Variants in ST7L observed in about 807,000 individuals in gnomAD.
ST7L encodes suppression of tumorigenicity 7 like, also known as suppressor of tumorigenicity 7 protein-like.
A neutral mutation model predicts 72.5 loss-of-function variants in ST7L; 57 were observed. The ratio of observed to expected loss-of-function variants is 0.79; its 90% confidence interval spans 0.64 to 0.98. ST7L has a LOEUF of 0.98. ST7L is among the 50% of genes least tolerant of loss of function. The pLI is 0.00. For missense variants in ST7L, 576 were observed against 672.2 expected, an observed-to-expected ratio of 0.86 and a Z score of 1.58; for synonymous variants, 221 against 240.9, an observed-to-expected ratio of 0.92 and a Z score of 0.77.
intron 3 of ST7L, among the ~76,000 whole-genome samples, chr1:112,608,079 G>A (rs1668533719): frequency 6.6e-6 from 1 of 152,064 alleles, no homozygotes; most frequent in African/African-American, 2.4e-5. Context: ...GGAGTGCAGT[G>A]GCACAGTCAT....
downstream of ST7L, chr1:112,520,256 C>A: frequency 6.2e-7 from 1 of 1,602,812 alleles, no homozygotes; most frequent in South Asian, 1.1e-5. Flanking sequence ...ACTTTGTTCT[C>A]ACTCCCTCTC....
chr1:112,550,547 A>C, intron 13 of ST7L, 54 bp downstream of exon 13: 1 of 1,379,340 alleles, frequency 7.2e-7, no homozygotes, highest in Non-Finnish European at 1.0e-6. Context: ...ATACTATGAC[A>C]AACAATCTAA....
chr1:112,530,389 G>GTA (rs1654179507), intron 14 of ST7L, among the ~76,000 whole-genome samples: 1 of 152,006 alleles, frequency 6.6e-6, no homozygotes, highest in Non-Finnish European at 1.5e-5. Context: ...TGCCTAATTT[G>GTA]TATAAACTCA....
intron 14 of ST7L, chr1:112,527,478 G>A (rs1441136390): frequency 6.5e-6 from 1 of 152,714 alleles, no homozygotes; most frequent in South Asian, 2.1e-4. Context: ...ACAGCCCCAT[G>A]AGGCCACACA....
chr1:112,581,918 A>G, intron 9 of ST7L, 74 bp downstream of exon 9: 3 of 1,048,662 alleles, frequency 2.9e-6, no homozygotes, highest in Admixed American at 2.0e-5. Flanking sequence ...ATTAAATACT[A>G]GAATATAACC....
intron 2 of ST7L, among the ~76,000 whole-genome samples, chr1:112,613,991 C>T (rs1330570760): frequency 6.6e-6 from 1 of 152,110 alleles, no homozygotes; most frequent in Non-Finnish European, 1.5e-5. Flanking sequence ...CAGCCTCCCA[C>T]AGTGTTGGCA....
rs189844480 is a variant in ST7L, at chr1:112,573,560, G to A, written c.1245+3426C>T. 3.0e-3 allele frequency among the ~76,000 whole-genome samples: 464 copies of A among 152,156 alleles called. 4 individuals are homozygous for A. Among genetic ancestry groups the A allele is most frequent in the African/African-American group, 0.01 (436 of 41,546 alleles). Reference sequence around the variant, plus strand: ...TATGATATGCTTAGAAATTGAATTTGTAATTAAACTATTAAAGAAATGAAA... The same window carrying A: ...TATGATATGCTTAGAAATTGAATTTATAATTAAACTATTAAAGAAATGAAA... On this transcript the variant is annotated intron_variant, in intron 11 of 14. Transcript: ENST00000358039.
chr1:112,559,952 T>C (rs1345315206), intron 11 of ST7L, among the ~76,000 whole-genome samples: 1 of 152,044 alleles, frequency 6.6e-6, no homozygotes, highest in African/African-American at 2.4e-5. Flanking sequence ...CACTCCAGCC[T>C]GGGCAACAGA....
At chr1:112,614,362 G>A (rs922249761) in intron 2 of ST7L, among the ~76,000 whole-genome samples, 2 of 152,182 alleles carry the variant, frequency 1.3e-5, no homozygotes, top group African/African-American at 2.4e-5. Flanking sequence ...GATTACAGGT[G>A]TAAGCCACCG....
intron 11 of ST7L, among the ~76,000 whole-genome samples, chr1:112,573,912 T>C (rs1185591003): frequency 1.1e-5 from 1 of 92,744 alleles, no homozygotes; most frequent in Non-Finnish European, 2.4e-5. Context: ...CTTTTCCTGT[T>C]TTTTTTTTTT....
intron 1 of ST7L, among the ~76,000 whole-genome samples, chr1:112,617,579 G>A (rs1670066103): frequency 6.6e-6 from 1 of 152,050 alleles, no homozygotes; most frequent in Non-Finnish European, 1.5e-5. Context: ...AGTCGTGGTG[G>A]TGCACGCCTG....
chr1:112,615,271 A>G (rs900357013), intron 2 of ST7L, among the ~76,000 whole-genome samples: 1 of 152,172 alleles, frequency 6.6e-6, no homozygotes, highest in Non-Finnish European at 1.5e-5. Flanking sequence ...GGTATGAACC[A>G]CTGTATCAGG....
Position 112,550,677 on chromosome 1 carries a change from T to C in ST7L, c.1413A>G (p.Pro471=), listed in dbSNP as rs755575073. 9 of 1,612,982 alleles carry C rather than the reference T, an allele frequency of 5.6e-6. No homozygotes were observed. The highest frequency in any genetic ancestry group is 4.0e-5 in the African/African-American group (3 of 74,890). Residue 471 remains proline, a synonymous_variant, in exon 13 of 15, where the codon CCA becomes CCG. Transcript: ENST00000358039. ...CTWEGTFRMI[P]YPLEKGHLFY... Reference sequence around the variant, plus strand: ...ATAGATGTCCTTTCTCTAACGGGTATGGAATCATTCTAAAAGCTGAGGAAA... The same window carrying C: ...ATAGATGTCCTTTCTCTAACGGGTACGGAATCATTCTAAAAGCTGAGGAAA...
downstream of ST7L, among the ~76,000 whole-genome samples, chr1:112,519,076 T>C (rs931679011): frequency 6.6e-6 from 1 of 152,138 alleles, no homozygotes; most frequent in Non-Finnish European, 1.5e-5. Flanking sequence ...GGGTTTTTGG[T>C]GCCCAAGAGG....
chr1:112,578,750 G>A (rs1349325530), intron 9 of ST7L, among the ~76,000 whole-genome samples: 3 of 151,944 alleles, frequency 2.0e-5, no homozygotes, highest in Non-Finnish European at 4.4e-5. Flanking sequence ...CTCCAGCCTG[G>A]GCAACAAGAG....
intron 14 of ST7L, 121 bp downstream of exon 14, chr1:112,541,830 C>A: frequency 6.8e-7 from 1 of 1,461,846 alleles, no homozygotes; most frequent in Non-Finnish European, 9.0e-7. Flanking sequence ...ATATACAAAT[C>A]AATTCCTTTA....
chr1:112,599,195 A>G (rs979401123), intron 4 of ST7L, among the ~76,000 whole-genome samples: 6 of 148,532 alleles, frequency 4.0e-5, no homozygotes, highest in Non-Finnish European at 8.9e-5. Flanking sequence ...TGGATACTGC[A>G]TAATACAACA....
intron 11 of ST7L, among the ~76,000 whole-genome samples, chr1:112,566,454 T>G (rs1446422237): frequency 6.6e-6 from 1 of 151,776 alleles, no homozygotes; most frequent in Admixed American, 6.6e-5. Flanking sequence ...TGTGCCACCA[T>G]GTCCAGCTAA....
chr1:112,589,578 T>C lies in ST7L; in HGVS notation c.701+1947A>G, dbSNP rs555060818. ...TGTTTAGTGACTTTTCTGAACCAATTTTATAAAATCTATATTATCTGTCAT... is the reference window on the plus strand; with the variant it reads ...TGTTTAGTGACTTTTCTGAACCAATCTTATAAAATCTATATTATCTGTCAT... On this transcript the variant is annotated intron_variant, in intron 6 of 14. Transcript: ENST00000358039. 4.6e-5 allele frequency among the ~76,000 whole-genome samples: 7 copies of C among 152,348 alleles called. No homozygotes were observed. The South Asian group carries it at 1.4e-3, about 32-fold the overall frequency.
Sources: gnomAD v4.1 joint callset for allele counts (sites outside exome capture counted in the v4.1 genomes callset) on GRCh38, gnomAD v4.1.1 for gene constraint, MANE v1.5 for transcripts, NCBI Gene and HGNC (gene_info 2026-07-23, HGNC 2026-07-21) for gene names.